Variants in MALRD1 observed in about 807,000 individuals in gnomAD.
MALRD1 encodes the protein MAM and LDL-receptor class A domain-containing protein 1.
A neutral mutation model predicts 242.1 loss-of-function variants in MALRD1; 247 were observed. That is an observed-to-expected ratio of 1.02 (90% CI 0.92 to 1.13). The LOEUF is 1.13. MALRD1 is among the 50% of genes most tolerant of loss of function. The pLI is 0.00. For synonymous variants in MALRD1, 995 were observed against 866.6 expected (o/e 1.15, Z -2.60); for missense variants, 2,989 against 2,533.1 (o/e 1.18, Z -3.86).
chr10:19,408,254 G>T (rs763036390), intron 28 of MALRD1, among the ~76,000 whole-genome samples: 2 of 152,112 alleles, frequency 1.3e-5, no homozygotes, highest in African/African-American at 2.4e-5. Flanking sequence ...TAAGGAATAG[G>T]AATTGGTCAG....
chr10:19,592,745 ACACACACACACACACACGCACG>A (rs1837870482), intron 33 of MALRD1, among the ~76,000 whole-genome samples: 2 of 115,544 alleles, frequency 1.7e-5, no homozygotes, highest in African/African-American at 6.4e-5. Context: ...ACACACACAC[ACACACACACACACACACGCACG>A]CACACACACA....
rs74119725 is a variant in MALRD1 at position 19,665,693 on chromosome 10, C to T, written c.6138-26589C>T. Among the ~76,000 whole-genome samples, 530 of 152,152 alleles carry T rather than the reference C, an allele frequency of 3.5e-3. 4 individuals are homozygous for T. The highest frequency in any genetic ancestry group is 0.012 in the African/African-American group (516 of 41,512). ...TTCAGGGCTTTAACTTAAACATTAA[C>T]TTCTCTATGCTTTTGCTCTCAAAGC... On this transcript the variant is annotated intron_variant, in intron 36 of 39. Coordinates refer to ENST00000454679, the MANE Select transcript of MALRD1 (RefSeq NM_001142308.3).
intron 28 of MALRD1, among the ~76,000 whole-genome samples, chr10:19,426,735 A>T (rs1262889184): frequency 6.6e-6 from 1 of 152,138 alleles, no homozygotes; most frequent in Non-Finnish European, 1.5e-5. Context: ...CCTGGGAGGT[A>T]GAGGTTGCAG....
chr10:19,587,220 G>A (rs996301944), intron 33 of MALRD1, among the ~76,000 whole-genome samples: 2 of 152,236 alleles, frequency 1.3e-5, no homozygotes, highest in Non-Finnish European at 2.9e-5. Context: ...GTAGACCGGA[G>A]CTGTTCCTAT....
chr10:19,139,733 C>A (rs2131421900), intron 10 of MALRD1, among the ~76,000 whole-genome samples: 1 of 152,288 alleles, frequency 6.6e-6, no homozygotes, highest in South Asian at 2.1e-4. Context: ...GGTTTTGCTG[C>A]AGCAGCAGAC....
intron 39 of MALRD1, among the ~76,000 whole-genome samples, chr10:19,732,701 A>G (rs1238642814): frequency 9.2e-5 from 14 of 152,210 alleles, no homozygotes; most frequent in Non-Finnish European, 1.3e-4. Context: ...TAGTAACTAA[A>G]AAGTGGCTCG....
At position 19,460,870 on chromosome 10, in the gene MALRD1, C is replaced by T. The variant is rs1375831066; in HGVS notation, c.5029+10380C>T. ...ATCTGAAAACGTTGGTTGAAGCACA[C>T]TCTGCGCAGTCCGGGAATTCCTGTA... is the stretch of plus-strand genomic sequence containing the variant. On this transcript the variant is annotated intron_variant, in intron 29 of 39. Transcript: ENST00000454679. 7.9e-5 allele frequency among the ~76,000 whole-genome samples: 12 copies of T among 152,278 alleles called. No homozygotes were observed. The South Asian group carries it at 2.1e-3, about 26-fold the overall frequency.
At chr10:19,431,000 A>C (rs1194157715) in intron 28 of MALRD1, among the ~76,000 whole-genome samples, 1 of 152,120 alleles carries the variant, frequency 6.6e-6, no homozygotes, top group Non-Finnish European at 1.5e-5. Flanking sequence ...GCCATTTTTT[A>C]ATTTTAATTT....
intron 18 of MALRD1, among the ~76,000 whole-genome samples, chr10:19,214,913 T>C (rs1025492444): frequency 1.3e-5 from 2 of 152,148 alleles, no homozygotes; most frequent in African/African-American, 4.8e-5. Context: ...CTTTCCCAGG[T>C]ATTTTGCACT....
At chr10:19,615,780 T>C (rs764832156) in intron 35 of MALRD1, 77 bp from the exon 36 acceptor site, 9 of 1,152,058 alleles carry the variant, frequency 7.8e-6, no homozygotes, top group Non-Finnish European at 9.7e-6. Flanking sequence ...TTTAATGTAA[T>C]GACAAATAGT....
chr10:19,715,758 A>C (rs2478747), intron 38 of MALRD1, among the ~76,000 whole-genome samples: 84,474 of 152,014 alleles, frequency 0.56, 23,631 homozygotes, highest in South Asian at 0.65. Flanking sequence ...GGCAACTTAC[A>C]ATCATGGCGG....
At chr10:19,450,800 G>C (rs1314560971) in intron 29 of MALRD1, among the ~76,000 whole-genome samples, 1 of 152,100 alleles carries the variant, frequency 6.6e-6, no homozygotes, top group Admixed American at 6.5e-5. Context: ...TCTGGTGAAG[G>C]CTCATTTGCT....
At chr10:19,120,633 G>A (rs1837027443) in intron 5 of MALRD1, among the ~76,000 whole-genome samples, 1 of 152,202 alleles carries the variant, frequency 6.6e-6, no homozygotes, top group Non-Finnish European at 1.5e-5. Context: ...AGGGGGAGAA[G>A]AGAGAATGGT....
chr10:19,105,876 A>T (rs1008288889), intron 5 of MALRD1, among the ~76,000 whole-genome samples: 1 of 151,952 alleles, frequency 6.6e-6, no homozygotes, highest in Non-Finnish European at 1.5e-5. Context: ...TGATTATTTG[A>T]AAATGAGTTG....
At chr10:19,055,191 T>C (rs756532301) in intron 1 of MALRD1, among the ~76,000 whole-genome samples, 4 of 152,216 alleles carry the variant, frequency 2.6e-5, no homozygotes, top group African/African-American at 2.4e-5. Flanking sequence ...TGAACATTTG[T>C]ATGTCTTCTT....
upstream of MALRD1, among the ~76,000 whole-genome samples, chr10:19,047,734 C>T (rs1405780498): frequency 6.6e-6 from 1 of 151,936 alleles, no homozygotes; most frequent in Admixed American, 6.6e-5. Context: ...GTCCCCCTGC[C>T]CCCCAGAATC....
intron 29 of MALRD1, chr10:19,489,104 A>C (rs1293346995): frequency 2.2e-6 from 1 of 463,390 alleles, no homozygotes. Flanking sequence ...AGAATGCCCA[A>C]GAGGAAGGTC....
At chr10:19,591,132 G>A (rs754120588) in intron 33 of MALRD1, among the ~76,000 whole-genome samples, 11 of 152,124 alleles carry the variant, frequency 7.2e-5, no homozygotes, top group Non-Finnish European at 1.2e-4. Context: ...TTTCTAGAAT[G>A]TCATATAGTC....
At chr10:19,163,377 T>A (rs866995276) in intron 12 of MALRD1, among the ~76,000 whole-genome samples, 8 of 151,676 alleles carry the variant, frequency 5.3e-5, no homozygotes, top group Middle Eastern at 6.3e-3. Context: ...TGGAGGCCAT[T>A]ATCCTTAGCA....
Sources: allele counts gnomAD v4.1 joint callset (sites outside exome capture counted in the v4.1 genomes callset), GRCh38; gene constraint gnomAD v4.1.1; transcripts MANE v1.5; gene names NCBI Gene and HGNC (gene_info 2026-07-23, HGNC 2026-07-21).